The following KCNMA1 variants were observed in gnomAD, a reference collection of about 807,000 sequenced individuals.
KCNMA1 encodes Calcium-activated potassium channel subunit alpha-1.
In KCNMA1, 29 loss-of-function variants were observed where a neutral mutation model predicts 140.0. The ratio of observed to expected loss-of-function variants is 0.21; its 90% confidence interval spans 0.15 to 0.28. The LOEUF is 0.28. Ranked by LOEUF, KCNMA1 falls within the 10% of genes least tolerant of loss-of-function variation. KCNMA1 has a pLI of 1.00. For synonymous variants in KCNMA1, 612 were observed against 611.9 expected, an observed-to-expected ratio of 1.00 and a Z score of 0.00; for missense variants, 880 against 1,602.2, an observed-to-expected ratio of 0.55 and a Z score of 7.70.
chr10:77,537,383 C>T (rs2059143027), intron 1 of KCNMA1, among the ~76,000 whole-genome samples: 1 of 152,192 alleles, frequency 6.6e-6, no homozygotes, highest in South Asian at 2.1e-4. Flanking sequence ...ACAGTGCCCA[C>T]ACCTTGCTCC....
At chr10:77,097,848 G>A (rs918202166) in intron 9 of KCNMA1, among the ~76,000 whole-genome samples, 23 of 152,208 alleles carry the variant, frequency 1.5e-4, no homozygotes, top group Admixed American at 1.5e-3. Context: ...AGCTGTCAAT[G>A]GAGCTGTTCT....
At chr10:77,013,837 A>G (rs1744233397) in intron 17 of KCNMA1, among the ~76,000 whole-genome samples, 2 of 152,230 alleles carry the variant, frequency 1.3e-5, no homozygotes, top group African/African-American at 4.8e-5. Flanking sequence ...CAAAGCTGAG[A>G]TTGAATTCAC....
intron 15 of KCNMA1, among the ~76,000 whole-genome samples, chr10:77,035,932 T>C (rs973012034): frequency 1.3e-5 from 2 of 152,194 alleles, no homozygotes; most frequent in Non-Finnish European, 2.9e-5. Flanking sequence ...GGATACAAAG[T>C]ATTGTTCCTG....
chr10:77,585,204 C>CA (rs1180345438), intron 1 of KCNMA1, among the ~76,000 whole-genome samples: 1 of 152,110 alleles, frequency 6.6e-6, no homozygotes, highest in Non-Finnish European at 1.5e-5. Context: ...GGGAGGTGAA[C>CA]AGAGGAACAA....
At chr10:77,619,753 G>A (rs2090813879) in intron 1 of KCNMA1, among the ~76,000 whole-genome samples, 1 of 152,160 alleles carries the variant, frequency 6.6e-6, no homozygotes, top group African/African-American at 2.4e-5. Context: ...TAGGGCTGCA[G>A]CATCAGACGG....
chr10:77,155,916 C>T (rs1216579767), intron 5 of KCNMA1, among the ~76,000 whole-genome samples: 1 of 152,162 alleles, frequency 6.6e-6, no homozygotes, highest in Non-Finnish European at 1.5e-5. Flanking sequence ...GAAAGTTCAT[C>T]TGTTTTACAC....
chr10:77,220,812 G>A (rs1005517426), intron 3 of KCNMA1, among the ~76,000 whole-genome samples: 22 of 152,178 alleles, frequency 1.4e-4, no homozygotes, highest in Admixed American at 1.4e-3. Flanking sequence ...TGTTGGGGCT[G>A]TTTTCTCTTT....
chr10:77,023,946 T>C (rs1323526343), intron 16 of KCNMA1, among the ~76,000 whole-genome samples: 3 of 152,220 alleles, frequency 2.0e-5, no homozygotes. Flanking sequence ...TGACTGCCAC[T>C]GTGGTCCACC....
chr10:76,953,777 T>A (rs772871446), intron 21 of KCNMA1, 24 bp downstream of exon 21: 1 of 1,613,826 alleles, frequency 6.2e-7, no homozygotes, highest in Admixed American at 1.7e-5. Flanking sequence ...GCGGGCAACA[T>A]CAGATGCACA....
At position 77,092,384 on chromosome 10, in the gene KCNMA1, T is replaced by C. The variant is rs141842547; in HGVS notation, c.1224-1874A>G. Among the ~76,000 whole-genome samples, 83 of 152,322 alleles carry C rather than the reference T, an allele frequency of 5.4e-4. 1 individual carries two copies. In the East Asian group the frequency reaches 0.014, roughly 25 times the overall value. Reference sequence around the variant, plus strand: ...TTGAATTTGCCAAATATGTTTGAAGTGAATGAGAAACAGAATTCCCCTACT... The same window carrying C: ...TTGAATTTGCCAAATATGTTTGAAGCGAATGAGAAACAGAATTCCCCTACT... On this transcript the variant is annotated intron_variant, in intron 9 of 27. Transcript: ENST00000286628.
chr10:77,050,920 T>G (rs368745288), intron 14 of KCNMA1, among the ~76,000 whole-genome samples: 3 of 152,194 alleles, frequency 2.0e-5, no homozygotes, highest in African/African-American at 4.8e-5. Flanking sequence ...ATCCAAGTGT[T>G]TGGGCTGTTG....
chr10:77,097,679 T>C (rs546790006), intron 9 of KCNMA1, among the ~76,000 whole-genome samples: 1 of 152,256 alleles, frequency 6.6e-6, no homozygotes, highest in East Asian at 1.9e-4. Flanking sequence ...AAACCCTGAC[T>C]ATCACCATTT....
At chr10:77,324,135 C>A (rs1046486882) in intron 2 of KCNMA1, among the ~76,000 whole-genome samples, 11 of 152,166 alleles carry the variant, frequency 7.2e-5, no homozygotes, top group African/African-American at 2.4e-4. Context: ...CCACTGTGGG[C>A]TACTGGAGTA....
chr10:77,311,457 G>C (rs917558256), intron 2 of KCNMA1, among the ~76,000 whole-genome samples: 16 of 152,122 alleles, frequency 1.1e-4, no homozygotes, highest in Non-Finnish European at 2.1e-4. Context: ...TGGCAACTAG[G>C]GGGAGGAGGA....
intron 1 of KCNMA1, among the ~76,000 whole-genome samples, chr10:77,520,265 A>AG (rs2052817700): frequency 1.6e-5 from 2 of 126,552 alleles, no homozygotes; most frequent in Admixed American, 8.2e-5. Context: ...GTGCAGTGTG[A>AG]GGTCTGGGAT....
At chr10:77,398,916 A>G (rs150736582) in intron 2 of KCNMA1, among the ~76,000 whole-genome samples, 2,987 of 152,322 alleles carry the variant, frequency 0.02, 37 homozygotes, top group Middle Eastern at 0.048. Context: ...AGGGGGATTT[A>G]ATTTACCTGA....
chr10:77,307,327 T>C (rs1219081636), intron 2 of KCNMA1, among the ~76,000 whole-genome samples: 4 of 152,202 alleles, frequency 2.6e-5, no homozygotes, highest in Non-Finnish European at 4.4e-5. Flanking sequence ...GCTCAACTTA[T>C]GATTTTTTGA....
intron 25 of KCNMA1, among the ~76,000 whole-genome samples, chr10:76,893,382 T>C (rs566285255): frequency 2.0e-5 from 3 of 152,200 alleles, no homozygotes; most frequent in Non-Finnish European, 4.4e-5. Context: ...CTTGGAGGCG[T>C]GGGGAACTCA....
chr10:77,381,989 G>A lies in KCNMA1; in HGVS notation c.540+21873C>T, dbSNP rs77430316. ...CCACCCAACAAACTGTTTCTTCTTCGTGGACTTTTTGTTCCCTCTTTATTT... is the reference window on the plus strand; with the variant it reads ...CCACCCAACAAACTGTTTCTTCTTCATGGACTTTTTGTTCCCTCTTTATTT... On this transcript the variant is annotated intron_variant, in intron 2 of 27. Transcript: ENST00000286628. Among the ~76,000 whole-genome samples the A allele has an allele frequency of 2.8e-3, 424 of 152,202 alleles. 16 individuals are homozygous for A. The East Asian group carries it at 0.069, about 25-fold the overall frequency.
Sources: allele counts gnomAD v4.1 joint callset (sites outside exome capture counted in the v4.1 genomes callset), GRCh38; gene constraint gnomAD v4.1.1; transcripts MANE v1.5; gene names NCBI Gene and HGNC (gene_info 2026-07-23, HGNC 2026-07-21).